The following NCOA2 variants were observed in gnomAD, a reference collection of about 807,000 sequenced individuals.
NCOA2 encodes the protein class E basic helix-loop-helix protein 75.
A neutral mutation model predicts 145.1 loss-of-function variants in NCOA2; 21 were observed. That is an observed-to-expected ratio of 0.14 (90% CI 0.10 to 0.21). NCOA2 has a LOEUF of 0.21. Ranked by LOEUF, NCOA2 falls within the 10% of genes least tolerant of loss-of-function variation. The pLI is 1.00. For missense variants in NCOA2, 1,472 were observed against 1,837.6 expected, an observed-to-expected ratio of 0.80 and a Z score of 3.64; for synonymous variants, 619 against 637.5, an observed-to-expected ratio of 0.97 and a Z score of 0.44.
intron 8 of NCOA2, 141 bp from the exon 9 acceptor site, chr8:70,162,995 A>C: frequency 2.6e-6 from 2 of 763,580 alleles, no homozygotes; most frequent in Non-Finnish European, 2.0e-6. Flanking sequence ...GCTCACTGCA[A>C]CCTCTACCTC....
At chr8:70,281,393 ATT>A (rs1825870711) in intron 2 of NCOA2, among the ~76,000 whole-genome samples, 1 of 150,564 alleles carries the variant, frequency 6.6e-6, no homozygotes. Flanking sequence ...GAAAAAATAC[ATT>A]AGAAATTCCA....
intron 1 of NCOA2, among the ~76,000 whole-genome samples, chr8:70,366,072 T>C (rs1484166528): frequency 6.6e-6 from 1 of 152,196 alleles, no homozygotes; most frequent in Non-Finnish European, 1.5e-5. Context: ...GCCATGAGCA[T>C]GTGCTTCTCT....
intron 22 of NCOA2, among the ~76,000 whole-genome samples, chr8:70,115,612 A>G (rs1014121165): frequency 1.3e-5 from 2 of 152,222 alleles, no homozygotes; most frequent in African/African-American, 4.8e-5. Flanking sequence ...CTAAAAGCCG[A>G]CCCTATTAGT....
At position 70,212,438 on chromosome 8, in the gene NCOA2, C is replaced by T. The variant is rs776693816; in HGVS notation, c.259+1465G>A. Among the ~76,000 whole-genome samples, 5 of 152,228 alleles carry T rather than the reference C, an allele frequency of 3.3e-5. No homozygotes were observed. In the South Asian group the frequency reaches 1.0e-3, roughly 32 times the overall value. On this transcript the variant is annotated intron_variant, in intron 4 of 22. Transcript: ENST00000452400. ...AATGGGCACTGGGAGAAGAAACCCA[C>T]TGGATGTTAAAGGTCATGGAGAAAT...
chr8:70,131,227 G>A (rs1809059342), intron 16 of NCOA2, among the ~76,000 whole-genome samples: 1 of 151,986 alleles, frequency 6.6e-6, no homozygotes, highest in Non-Finnish European at 1.5e-5. Flanking sequence ...ATGTTGCCCA[G>A]GCTAGAGTGC....
At chr8:70,399,981 T>C (rs6985242) in intron 1 of NCOA2, among the ~76,000 whole-genome samples, 12,697 of 152,256 alleles carry the variant, frequency 0.083, 739 homozygotes, top group East Asian at 0.16. Flanking sequence ...CACAGATCCT[T>C]GATGTTACTG....
intron 1 of NCOA2, among the ~76,000 whole-genome samples, chr8:70,386,667 G>T (rs571902990): frequency 2.0e-5 from 3 of 152,060 alleles, no homozygotes; most frequent in Non-Finnish European, 2.9e-5. Context: ...AACTAATGCC[G>T]TTCAATCTTC....
At chr8:70,372,550 C>G (rs143859488) in intron 1 of NCOA2, among the ~76,000 whole-genome samples, 4 of 152,278 alleles carry the variant, frequency 2.6e-5, no homozygotes, top group African/African-American at 9.6e-5. Flanking sequence ...TATTGTGTGG[C>G]TAGGAAGTAG....
chr8:70,338,345 A>G (rs1807821242), intron 1 of NCOA2, among the ~76,000 whole-genome samples: 1 of 152,316 alleles, frequency 6.6e-6, no homozygotes, highest in South Asian at 2.1e-4. Flanking sequence ...TCTAGAAAAT[A>G]TGGATAAATT....
At chr8:70,400,626 A>G (rs529426248) in intron 1 of NCOA2, among the ~76,000 whole-genome samples, 2 of 152,308 alleles carry the variant, frequency 1.3e-5, no homozygotes, top group East Asian at 1.9e-4. Flanking sequence ...CCTCTCTGTC[A>G]GTCTAAGTGT....
intron 9 of NCOA2, among the ~76,000 whole-genome samples, chr8:70,160,682 G>GAGAGAGGGA (rs371258460): frequency 0.017 from 1,016 of 58,340 alleles, 12 homozygotes; most frequent in African/African-American, 0.039. Flanking sequence ...AGAGAGAGAG[G>GAGAGAGGGA]GAGAGAGAGA....
intron 1 of NCOA2, among the ~76,000 whole-genome samples, chr8:70,300,237 A>T (rs1263037169): frequency 6.6e-6 from 1 of 152,226 alleles, no homozygotes; most frequent in Non-Finnish European, 1.5e-5. Flanking sequence ...GACACAAGAT[A>T]TATGACTGCA....
At chr8:70,336,612 G>GAGAA (rs1807618486) in intron 1 of NCOA2, among the ~76,000 whole-genome samples, 1 of 151,716 alleles carries the variant, frequency 6.6e-6, no homozygotes, top group South Asian at 2.1e-4. Context: ...GAGACAGAGA[G>GAGAA]GGAGAGAGAA....
At chr8:70,167,430 C>T (rs955407771) in intron 6 of NCOA2, among the ~76,000 whole-genome samples, 8 of 152,220 alleles carry the variant, frequency 5.3e-5, no homozygotes, top group Admixed American at 4.6e-4. Context: ...CAGGTTGCCT[C>T]AGTTTCTCTC....
intron 1 of NCOA2, among the ~76,000 whole-genome samples, chr8:70,310,726 G>T (rs1200506759): frequency 6.6e-6 from 1 of 152,102 alleles, no homozygotes; most frequent in African/African-American, 2.4e-5. Flanking sequence ...TTCTGTCTAG[G>T]TGTGCTACAA....
At chr8:70,240,642 G>T (rs1279904247) in intron 2 of NCOA2, among the ~76,000 whole-genome samples, 1 of 152,202 alleles carries the variant, frequency 6.6e-6, no homozygotes, top group Non-Finnish European at 1.5e-5. Context: ...GACAAGCTTT[G>T]TTAAGGCAGG....
chr8:70,182,482 T>C (rs895739627), intron 4 of NCOA2, among the ~76,000 whole-genome samples: 2 of 152,206 alleles, frequency 1.3e-5, no homozygotes, highest in African/African-American at 2.4e-5. Context: ...TTAAAATTAA[T>C]GTACTACAGT....
intron 2 of NCOA2, among the ~76,000 whole-genome samples, chr8:70,248,513 A>G (rs984666419): frequency 1.3e-5 from 2 of 152,184 alleles, no homozygotes; most frequent in African/African-American, 4.8e-5. Flanking sequence ...TTTCAGTACC[A>G]AGCTTTCGAG....
At chr8:70,232,625 C>A (rs572656680) in intron 2 of NCOA2, among the ~76,000 whole-genome samples, 1 of 152,066 alleles carries the variant, frequency 6.6e-6, no homozygotes, top group African/African-American at 2.4e-5. Flanking sequence ...CTACTCCAAC[C>A]CCATTTCTAT....
Sources: allele counts gnomAD v4.1 joint callset (sites outside exome capture counted in the v4.1 genomes callset), GRCh38; gene constraint gnomAD v4.1.1; transcripts MANE v1.5; gene names NCBI Gene and HGNC (gene_info 2026-07-23, HGNC 2026-07-21).